The following BMP8A variants were observed in gnomAD, a reference collection of about 807,000 sequenced individuals.
BMP8A encodes the protein BMP-8A.
A neutral mutation model predicts 36.8 loss-of-function variants in BMP8A; 14 were observed. That is an observed-to-expected ratio of 0.38 (90% confidence interval 0.25 to 0.60). The LOEUF (loss-of-function observed/expected upper bound fraction) is 0.60, where lower values mean the gene tolerates loss of function less well. Among genes scored for constraint, BMP8A ranks in the 20% least tolerant of loss-of-function variants. The pLI is 0.63. For synonymous variants in BMP8A, 120 were observed against 237.7 expected, an observed-to-expected ratio of 0.50 and a Z score of 4.55; for missense variants, 267 against 551.1, an observed-to-expected ratio of 0.48 and a Z score of 5.16.
intron 3 of BMP8A, among the ~76,000 whole-genome samples, chr1:39,514,724 C>A (rs1247834672): frequency 6.6e-6 from 1 of 152,194 alleles, no homozygotes; most frequent in Admixed American, 6.5e-5. Flanking sequence ...CTGTCCTGCG[C>A]CCGGGCCTGT....
At position 39,527,482 on chromosome 1, in the gene BMP8A, C is replaced by G. The variant is rs1328108290; in HGVS notation, c.*1684C>G. Among the ~76,000 whole-genome samples, 2 of 152,212 alleles carry G rather than the reference C, an allele frequency of 1.3e-5. No individual in the cohort carries two copies. The highest frequency in any genetic ancestry group is 2.9e-5 in the Non-Finnish European group (2 of 68,020). On this transcript the variant is annotated 3_prime_UTR_variant, in exon 7 of 7. Transcript: ENST00000331593. ...TCCCCATGGGCCCAAGGATGCGCCT[C>G]TCTGGAGTTCACGTGCTGCACCCCC...
chr1:39,525,481 G>A (rs1022165172), intron 6 of BMP8A, among the ~76,000 whole-genome samples, 168 bp from the exon 7 acceptor site: 6 of 152,190 alleles, frequency 3.9e-5, no homozygotes, highest in Admixed American at 1.3e-4. Flanking sequence ...CGCTCCCAGA[G>A]CTCTCAGGGC....
intron 6 of BMP8A, 146 bp from the exon 7 acceptor site, chr1:39,525,503 C>T: frequency 1.7e-6 from 2 of 1,182,244 alleles, no homozygotes; most frequent in Non-Finnish European, 2.3e-6. Context: ...GCTCTTATTC[C>T]TGTTAATAAT....
chr1:39,521,959 C>G (rs1645430675), intron 4 of BMP8A, among the ~76,000 whole-genome samples: 1 of 36,930 alleles, frequency 2.7e-5, no homozygotes, highest in African/African-American at 6.0e-5. Flanking sequence ...CCTTCAGGAT[C>G]AGGGACAGGC....
At chr1:39,497,852 G>A (rs754881548) in intron 1 of BMP8A, among the ~76,000 whole-genome samples, 12 of 152,194 alleles carry the variant, frequency 7.9e-5, no homozygotes, top group South Asian at 2.1e-4. Flanking sequence ...GAGTGGGGCC[G>A]GCCCTCCCTG....
chr1:39,524,431 G>A lies in BMP8A; in HGVS notation c.1060-1218G>A, dbSNP rs373188435. Among the ~76,000 whole-genome samples the A allele has an allele frequency of 4.6e-5, 7 of 152,288 alleles. No homozygotes were observed. In the East Asian group the frequency reaches 9.7e-4, roughly 21 times the overall value. ...TGAGGAAGAGCAGAGCAGCCGTGCC[G>A]TCAGTGGAGTGAGACTGGGCCCAGC... On this transcript the variant is annotated intron_variant, in intron 6 of 6. Coordinates refer to ENST00000331593, the MANE Select transcript of BMP8A (RefSeq NM_181809.4). This position sits in a 1 kb window ranked among gnomAD's most constrained non-coding sequence, Gnocchi z 4.0.
chr1:39,506,807 C>T (rs1346824119), intron 1 of BMP8A, among the ~76,000 whole-genome samples: 1 of 152,184 alleles, frequency 6.6e-6, no homozygotes, highest in African/African-American at 2.4e-5. Flanking sequence ...GTAAACCCCA[C>T]GGGGGCAGGA....
At chr1:39,502,864 T>C (rs983957545) in intron 1 of BMP8A, among the ~76,000 whole-genome samples, 1 of 152,156 alleles carries the variant, frequency 6.6e-6, no homozygotes, top group Admixed American at 6.5e-5. Context: ...ACCAATATGG[T>C]GAAACCTTGT....
chr1:39,517,940 A>G (rs1028150934), intron 3 of BMP8A, among the ~76,000 whole-genome samples: 24 of 152,094 alleles, frequency 1.6e-4, no homozygotes, highest in African/African-American at 5.8e-4. Flanking sequence ...TCTCAGCTTC[A>G]TTTGAATTGT....
intron 1 of BMP8A, among the ~76,000 whole-genome samples, chr1:39,497,354 G>A (rs1366874188): frequency 6.6e-6 from 1 of 152,164 alleles, no homozygotes; most frequent in Non-Finnish European, 1.5e-5. Flanking sequence ...CCAGCCTCCC[G>A]GGGTTGCATG....
At chr1:39,515,752 G>A (rs1467628254) in intron 3 of BMP8A, 3 of 1,588,374 alleles carry the variant, frequency 1.9e-6, no homozygotes, top group African/African-American at 1.3e-5. Context: ...TGATAAAGGG[G>A]CAGAAATACG....
rs762634734 is a variant in BMP8A at position 39,492,273 on chromosome 1, C to T, written c.282C>T (p.Pro94=). ...MAGDDDEDGA[P]AEQRLGRADL... ...GCGACGACGACGAGGACGGCGCGCCCGCGGAGCAGCGCCTGGGCCGCGCCG... is the reference window on the plus strand; with the variant it reads ...GCGACGACGACGAGGACGGCGCGCCTGCGGAGCAGCGCCTGGGCCGCGCCG... Residue 94 remains proline, a synonymous_variant, in exon 1 of 7, where the codon CCC becomes CCT. Transcript: ENST00000331593. 1.3e-6 allele frequency: 2 copies of T among 1,563,158 alleles called. No individual in the cohort carries two copies. The highest frequency in any genetic ancestry group is 8.6e-7 in the Non-Finnish European group (1 of 1,165,414).
rs1317623667 is a variant in BMP8A, at chr1:39,492,145, C to G, written c.154C>G (p.Leu52Val). Residue 52 changes from leucine (L) to valine (V), a missense_variant, in exon 1 of 7, where the codon CTC (leucine) becomes GTC (valine). By Grantham distance (32) the Leu-to-Val change is conservative (BLOSUM62 1). Coordinates refer to ENST00000331593, the MANE Select transcript of BMP8A (RefSeq NM_181809.4). ...CGTGCAGCGCGAGATCCTGGCGGTG[C>G]TCGGGCTACCCGGGCGGCCCCGGCC... ...RDVQREILAV[L>V]GLPGRPRPRA... 1 of 1,267,172 alleles carries G rather than the reference C, an allele frequency of 7.9e-7. No individual in the cohort carries two copies. The highest frequency in any genetic ancestry group is 3.4e-5 in the East Asian group (1 of 29,162). 78.5% of individuals were successfully genotyped at this position (1,267,172 alleles called of 1,614,324 possible). A position where few individuals can be genotyped will look rare whatever the true frequency, so the allele number is the denominator to read the frequency against.
chr1:39,523,620 T>G lies in BMP8A; in HGVS notation c.1059+503T>G, dbSNP rs989885701. On this transcript the variant is annotated intron_variant, in intron 6 of 6. Coordinates refer to ENST00000331593, the MANE Select transcript of BMP8A (RefSeq NM_181809.4). The stretch of plus-strand genomic sequence containing the variant: ...GGTGTGGCTCTCAACCTTTTGGCTT[T>G]TTCCCGCAGTTTCTCTCTTGGCTGT... The G allele has an allele frequency of 9.7e-6, 14 of 1,442,470 alleles. No individual in the cohort carries two copies. In the Admixed American group the frequency reaches 3.8e-4, roughly 39 times the overall value. The allele number at this position is 1,442,470 out of a possible 1,614,324, so 89.4% of individuals were successfully genotyped here.
chr1:39,509,581 G>A (rs1415103263), intron 1 of BMP8A, among the ~76,000 whole-genome samples: 6 of 152,056 alleles, frequency 3.9e-5, no homozygotes, highest in South Asian at 2.1e-4. Context: ...TGGGATGAGC[G>A]GCCACCTCCT....
chr1:39,505,235 G>A (rs549846434), intron 1 of BMP8A, among the ~76,000 whole-genome samples: 8 of 152,122 alleles, frequency 5.3e-5, no homozygotes, highest in South Asian at 4.1e-4. Context: ...GTCTCAGTGC[G>A]GGGAGACCTT....
At position 39,507,294 on chromosome 1, in the gene BMP8A, A is replaced by G. The variant is rs553662524; in HGVS notation, c.335-3880A>G. On this transcript the variant is annotated intron_variant, in intron 1 of 6. Coordinates refer to ENST00000331593, the MANE Select transcript of BMP8A (RefSeq NM_181809.4). ...ACTTCCCAACCTTACAACTGGCAGC[A>G]GAATTTTACTGGGAAAACCCAAGAA... Among the ~76,000 whole-genome samples the G allele has an allele frequency of 1.2e-3, 185 of 152,340 alleles. 2 individuals carry two copies. The highest frequency in any genetic ancestry group is 2.0e-3 in the Non-Finnish European group (133 of 68,028).
chr1:39,494,861 G>A (rs1391756254), intron 1 of BMP8A, among the ~76,000 whole-genome samples: 5 of 152,282 alleles, frequency 3.3e-5, no homozygotes, highest in East Asian at 1.9e-4. Context: ...GGCCTCCAGC[G>A]CCGTGGGATT....
chr1:39,500,032 A>AG (rs1429031851), intron 1 of BMP8A, among the ~76,000 whole-genome samples: 1 of 152,246 alleles, frequency 6.6e-6, no homozygotes, highest in African/African-American at 2.4e-5. Flanking sequence ...GCTGAGAAAC[A>AG]GGATTTCTTG....
Sources: allele counts gnomAD v4.1 joint callset (sites outside exome capture counted in the v4.1 genomes callset), GRCh38; gene constraint gnomAD v4.1.1; non-coding constraint Gnocchi (gnomAD v3.1); transcripts MANE v1.5; gene names NCBI Gene and HGNC (gene_info 2026-07-23, HGNC 2026-07-21).